Variants in EPB41L1 observed in about 807,000 individuals in gnomAD.
EPB41L1 encodes erythrocyte membrane protein band 4.1 like 1.
EPB41L1 carries 29 observed loss-of-function variants against 97.8 expected under a neutral mutation model. The ratio of observed to expected loss-of-function variants is 0.30; its 90% CI spans 0.22 to 0.40. The LOEUF (loss-of-function observed/expected upper bound fraction) is 0.40. EPB41L1 is among the 10% of genes least tolerant of loss of function. The pLI, the probability that EPB41L1 is intolerant of heterozygous loss-of-function variation, is 1.00. For missense variants in EPB41L1, 812 were observed against 1,162.3 expected (o/e 0.70, Z 4.38); for synonymous variants, 383 against 459.2 (o/e 0.83, Z 2.12).
chr20:36,144,844 G>C (rs2059775328), intron 2 of EPB41L1, among the ~76,000 whole-genome samples: 1 of 152,120 alleles, frequency 6.6e-6, no homozygotes, highest in Admixed American at 6.5e-5. Context: ...ACATGTATTA[G>C]CTCCATTAAT....
At chr20:36,117,411 G>A (rs1300919914) in intron 2 of EPB41L1, among the ~76,000 whole-genome samples, 2 of 150,558 alleles carry the variant, frequency 1.3e-5, no homozygotes, top group East Asian at 1.9e-4. Context: ...AAGAGGCAGA[G>A]GACAGAAGAA....
intron 11 of EPB41L1, among the ~76,000 whole-genome samples, chr20:36,191,571 T>C (rs1032763078): frequency 6.6e-6 from 1 of 152,024 alleles, no homozygotes; most frequent in Non-Finnish European, 1.5e-5. Flanking sequence ...GGCCCAAGTC[T>C]CTCCCCAGGA....
intron 1 of EPB41L1, among the ~76,000 whole-genome samples, chr20:36,103,425 G>C (rs979111023): frequency 6.6e-6 from 1 of 152,116 alleles, no homozygotes; most frequent in Non-Finnish European, 1.5e-5. Context: ...GTGGATTGGA[G>C]GGAGGCCAAG....
At chr20:36,125,493 C>T (rs1276699788) in intron 2 of EPB41L1, 3 of 1,412,658 alleles carry the variant, frequency 2.1e-6, no homozygotes, top group Non-Finnish European at 2.9e-6. Context: ...AAGGGCTTAG[C>T]AGAGAGCCTA....
upstream of EPB41L1, chr20:36,152,673 GT>G: frequency 3.7e-6 from 1 of 267,412 alleles, no homozygotes; most frequent in East Asian, 1.0e-4. Flanking sequence ...AATGCATCTG[GT>G]ATAACTCCTG....
At chr20:36,107,018 G>C (rs903335175) in intron 1 of EPB41L1, among the ~76,000 whole-genome samples, 3 of 151,856 alleles carry the variant, frequency 2.0e-5, no homozygotes, top group Non-Finnish European at 4.4e-5. Flanking sequence ...TGTCTGGGCT[G>C]GTCTCAAACT....
In EPB41L1 at chr20:36,145,864, G is replaced by T. The variant is rs1426856874; in HGVS notation, c.-9-29687G>T. ...TCATTCAAGGCTCTGCTTGGCACCA[G>T]CTCCTTTCTATCTCCTCAGGGATAG... On this transcript the variant is annotated intron_variant, in intron 2 of 19. Transcript: ENST00000202028. Among the ~76,000 whole-genome samples the T allele has an allele frequency of 3.9e-5, 6 of 152,204 alleles. No individual in the cohort carries two copies. In the East Asian group the frequency reaches 1.2e-3, roughly 29 times the overall value.
chr20:36,149,145 T>C (rs1353724819), intron 2 of EPB41L1, among the ~76,000 whole-genome samples: 1 of 152,120 alleles, frequency 6.6e-6, no homozygotes, highest in African/African-American at 2.4e-5. Context: ...GGTGCTGATA[T>C]TATCCCCATT....
At chr20:36,201,457 C>T (rs1422653223) in intron 14 of EPB41L1, among the ~76,000 whole-genome samples, 2 of 152,196 alleles carry the variant, frequency 1.3e-5, no homozygotes, top group African/African-American at 4.8e-5. Flanking sequence ...ACCCAAATGC[C>T]TTCTGCCTTA....
intron 1 of EPB41L1, chr20:36,155,122 G>A (rs1212069678): frequency 4.2e-6 from 2 of 478,450 alleles, no homozygotes; most frequent in Non-Finnish European, 8.1e-6. Context: ...GTTGGCGGGG[G>A]GTTGGTCCTG....
intron 14 of EPB41L1, among the ~76,000 whole-genome samples, chr20:36,199,429 T>C (rs2062375057): frequency 2.6e-5 from 4 of 152,216 alleles, no homozygotes; most frequent in African/African-American, 9.6e-5. Flanking sequence ...TGAAAATTGG[T>C]GATGCACCCA....
chr20:36,100,081 T>C (rs2147489976), intron 1 of EPB41L1, among the ~76,000 whole-genome samples: 1 of 152,322 alleles, frequency 6.6e-6, no homozygotes, highest in South Asian at 2.1e-4. Flanking sequence ...AAGGCTTCAG[T>C]GTCCCTGTTG....
At chr20:36,113,011 A>T (rs1310643869) in intron 2 of EPB41L1, among the ~76,000 whole-genome samples, 1 of 152,114 alleles carries the variant, frequency 6.6e-6, no homozygotes, top group East Asian at 1.9e-4. Context: ...TCCTTTTTCC[A>T]TTGCACCCCA....
At chr20:36,104,166 G>A (rs1315606065) in intron 1 of EPB41L1, among the ~76,000 whole-genome samples, 7 of 152,194 alleles carry the variant, frequency 4.6e-5, no homozygotes, top group Admixed American at 4.6e-4. Context: ...GTGTCTGGCA[G>A]AGATGTGGCT....
Position 36,212,324 on chromosome 20 carries a change from T to C in EPB41L1, c.2132T>C (p.Ile711Thr). Residue 711 changes from isoleucine to threonine, a missense_variant, in exon 16 of 22, where the codon ATT becomes ACT. Ile to Thr is a moderately conservative substitution (Grantham distance 89, BLOSUM62 -1). Around this residue, in one of 3 missense-constraint regions of EPB41L1, gnomAD observed 498 missense variants for 622.7 expected, o/e 0.80. Transcript: ENST00000338074. The surrounding 1 kb of genome is among the most constrained non-coding windows in gnomAD (Gnocchi z 4.8). ...AGCAGTCTGGCCATTAGAAAGAAGA[T>C]TGAGCCGGAGGCCGTACTGCAGACC... ...TVSSLAIRKK[I>T]EPEAVLQTRV... is the part of the protein sequence containing the mutation. 1 of 1,614,138 alleles carries C rather than the reference T, an allele frequency of 6.2e-7. No individual in the cohort carries two copies. The highest frequency in any genetic ancestry group is 8.5e-7 in the Non-Finnish European group (1 of 1,179,996).
chr20:36,168,384 C>T (rs1600706946), intron 1 of EPB41L1, among the ~76,000 whole-genome samples: 1 of 152,206 alleles, frequency 6.6e-6, no homozygotes, highest in East Asian at 1.9e-4. Flanking sequence ...TGGCCTCTGT[C>T]TGTTAGAAAC....
rs142640473 is a variant in EPB41L1 at position 36,093,688 on chromosome 20, CGTGT to C, written c.-65+2089_-65+2092del. On this transcript the variant is annotated intron_variant, in intron 1 of 19. Coordinates refer to the EPB41L1 transcript ENST00000202028. The surrounding 1 kb of genome is among the most constrained non-coding windows in gnomAD (Gnocchi z 5.4). ...TGAAGCCCGTGTGCGTGCGTGCGTG[CGTGT>C]GTGTGTGTGTGTATGTGTATGCGTG... Among the ~76,000 whole-genome samples the C allele has an allele frequency of 5.8e-3, 851 of 146,800 alleles. 6 individuals are homozygous for C. Among genetic ancestry groups the C allele is most frequent in the Admixed American group, 0.025 (372 of 14,842 alleles).
At chr20:36,119,858 G>A (rs143923115) in intron 2 of EPB41L1, among the ~76,000 whole-genome samples, 73 of 152,118 alleles carry the variant, frequency 4.8e-4, no homozygotes, top group Non-Finnish European at 6.9e-4. Flanking sequence ...CTCCATCCAG[G>A]GCAAGCCCAT....
rs1393708632 is a variant in EPB41L1 at position 36,132,569 on chromosome 20, G to GT, written c.-10+20089_-10+20090insT. On this transcript the variant is annotated intron_variant, in intron 2 of 19. Transcript: ENST00000202028. ...GAAGACATGGACATCTTTGTGGGCG[G>GT]GGGGGGGGGGCGCATTATTATGCCT... Among the ~76,000 whole-genome samples the GT allele has an allele frequency of 7.4e-5, 5 of 67,826 alleles. No homozygotes were observed. In the East Asian group the frequency reaches 1.8e-3, roughly 25 times the overall value. The allele number at this position is 67,826 out of a possible 152,430, so 44.5% of individuals were successfully genotyped here. A position where few individuals can be genotyped will look rare whatever the true frequency, so the allele number is the denominator to read the frequency against.
Sources: allele counts gnomAD v4.1 joint callset (sites outside exome capture counted in the v4.1 genomes callset), GRCh38; gene constraint gnomAD v4.1.1; regional missense constraint gnomAD v4.1.1; non-coding constraint Gnocchi (gnomAD v3.1); transcripts MANE v1.5; gene names NCBI Gene and HGNC (gene_info 2026-07-23, HGNC 2026-07-21).